Variants in KAZN observed in about 807,000 individuals in gnomAD.
The protein encoded by KAZN is kazrin, periplakin interacting protein.
KAZN carries 40 observed loss-of-function variants against 87.4 expected under a neutral mutation model. That is an observed-to-expected ratio of 0.46 (90% CI 0.36 to 0.60). KAZN has a LOEUF of 0.60. Ranked by LOEUF, KAZN falls within the 20% of genes least tolerant of loss-of-function variation. The pLI is 0.00. For synonymous variants in KAZN, 466 were observed against 458.3 expected, an observed-to-expected ratio of 1.02 and a Z score of -0.22; for missense variants, 898 against 1,073.9, an observed-to-expected ratio of 0.84 and a Z score of 2.29.
intron 1 of KAZN, among the ~76,000 whole-genome samples, chr1:13,937,823 T>A (rs1321191204): frequency 6.6e-6 from 1 of 152,202 alleles, no homozygotes; most frequent in African/African-American, 2.4e-5. Flanking sequence ...TTGTTAAAGA[T>A]CAGCTGGTTG....
intron 7 of KAZN, among the ~76,000 whole-genome samples, chr1:15,064,035 A>G (rs1573232064): frequency 1.3e-5 from 2 of 152,240 alleles, no homozygotes; most frequent in Admixed American, 6.5e-5. Flanking sequence ...TGCCCTGGCC[A>G]TGGCTTACCC....
intron 1 of KAZN, among the ~76,000 whole-genome samples, chr1:13,984,787 T>C (rs1638930212): frequency 1.3e-5 from 2 of 152,242 alleles, no homozygotes; most frequent in Non-Finnish European, 2.9e-5. Context: ...AGAGGTTCAC[T>C]GAGATTCACT....
chr1:13,948,732 G>T (rs1164780933), intron 1 of KAZN, among the ~76,000 whole-genome samples: 3 of 151,980 alleles, frequency 2.0e-5, no homozygotes, highest in Non-Finnish European at 4.4e-5. Flanking sequence ...TTGCAATGAT[G>T]CTCAGTCCAC....
intron 1 of KAZN, among the ~76,000 whole-genome samples, chr1:14,731,101 A>G (rs140668124): frequency 3.9e-5 from 6 of 152,334 alleles, no homozygotes; most frequent in African/African-American, 1.4e-4. Context: ...TTAAAACAAA[A>G]TGGGGCTCTG....
chr1:15,013,025 G>A (rs1336954403), intron 2 of KAZN, among the ~76,000 whole-genome samples: 2 of 152,196 alleles, frequency 1.3e-5, no homozygotes, highest in Admixed American at 1.3e-4. Flanking sequence ...TCCCAGCTGG[G>A]AACAGTTCTT....
chr1:14,840,314 A>G (rs754397810), intron 1 of KAZN, among the ~76,000 whole-genome samples: 2 of 152,130 alleles, frequency 1.3e-5, no homozygotes, highest in South Asian at 4.1e-4. Flanking sequence ...ATAACTGGCA[A>G]ATCATCTCAT....
chr1:14,388,036 A>G lies in KAZN; in HGVS notation c.249+207444A>G, dbSNP rs576956205. Reference sequence around the variant, plus strand: ...TCCTGGTGTGCCGTTTTTTAAGCCCATCGGAAAAGCGCAGTATTCGGGTGG... The same window carrying G: ...TCCTGGTGTGCCGTTTTTTAAGCCCGTCGGAAAAGCGCAGTATTCGGGTGG... On this transcript the variant is annotated intron_variant, in intron 2 of 16. Transcript: ENST00000636203. Among the ~76,000 whole-genome samples, 423 of 152,144 alleles carry G rather than the reference A, an allele frequency of 2.8e-3. 1 individual carries two copies. The highest frequency in any genetic ancestry group is 9.2e-3 in the African/African-American group (381 of 41,500).
chr1:14,817,141 C>G (rs971152655), intron 1 of KAZN, among the ~76,000 whole-genome samples: 2 of 152,164 alleles, frequency 1.3e-5, no homozygotes, highest in Non-Finnish European at 2.9e-5. Flanking sequence ...TACCTGCACA[C>G]TGATGTGGAC....
intron 2 of KAZN, among the ~76,000 whole-genome samples, chr1:14,300,148 G>C (rs1348674740): frequency 6.6e-6 from 1 of 152,156 alleles, no homozygotes; most frequent in Non-Finnish European, 1.5e-5. Flanking sequence ...AGTGTGTTGA[G>C]GAAGGAGGAG....
intron 10 of KAZN, among the ~76,000 whole-genome samples, chr1:15,100,524 T>A (rs1208755486): frequency 6.6e-6 from 1 of 152,174 alleles, no homozygotes; most frequent in Admixed American, 6.5e-5. Context: ...GATGCGGTGA[T>A]CCTCGTTCCT....
Position 14,957,178 on chromosome 1 carries a change from G to A in KAZN, c.227-3506G>A, listed in dbSNP as rs77204834. 5.7e-3 allele frequency among the ~76,000 whole-genome samples: 861 copies of A among 152,268 alleles called. 6 individuals are homozygous for A. The highest frequency in any genetic ancestry group is 0.019 in the African/African-American group (808 of 41,570). On this transcript the variant is annotated intron_variant, in intron 1 of 14. Coordinates refer to ENST00000376030, the MANE Select transcript of KAZN (RefSeq NM_201628.3). ...AAATGTTTACCCGGAATGAGAGCAGGGGCATGGCCCCAAAAGCAAACCTCC... is the reference window on the plus strand; with the variant it reads ...AAATGTTTACCCGGAATGAGAGCAGAGGCATGGCCCCAAAAGCAAACCTCC...
intron 1 of KAZN, among the ~76,000 whole-genome samples, chr1:14,128,333 TAAGAGGGAGTCATGCTGTGTTAGTTTG>T (rs1644917621): frequency 6.1e-5 from 2 of 32,912 alleles, no homozygotes; most frequent in Admixed American, 4.7e-4. Context: ...GTTAGTTTGC[TAAGAGGGAGTCATGCTGTGTTAGTTTG>T]CTAGGACTGC....
At chr1:14,570,386 C>T (rs1316600220) in intron 2 of KAZN, among the ~76,000 whole-genome samples, 9 of 152,124 alleles carry the variant, frequency 5.9e-5, no homozygotes, top group Non-Finnish European at 2.9e-5. Flanking sequence ...CCTTTTTACC[C>T]TCCTCCTCCT....
At chr1:15,019,693 T>C (rs943248587) in intron 2 of KAZN, among the ~76,000 whole-genome samples, 4 of 152,186 alleles carry the variant, frequency 2.6e-5, no homozygotes, top group African/African-American at 9.7e-5. Flanking sequence ...CCAGCCAGTT[T>C]CTTCATTTGT....
chr1:14,187,254 G>A (rs1394348159), intron 2 of KAZN, among the ~76,000 whole-genome samples: 6 of 151,968 alleles, frequency 3.9e-5, no homozygotes, highest in Admixed American at 2.6e-4. Context: ...ATGTAATTTT[G>A]GGAAAGAAGA....
chr1:13,925,001 C>A (rs1640219561), intron 1 of KAZN, among the ~76,000 whole-genome samples: 1 of 152,148 alleles, frequency 6.6e-6, no homozygotes, highest in Non-Finnish European at 1.5e-5. Context: ...GTGTATGCCA[C>A]CATCAACAAA....
chr1:14,158,502 T>C (rs1645644245), intron 1 of KAZN, among the ~76,000 whole-genome samples: 1 of 152,218 alleles, frequency 6.6e-6, no homozygotes, highest in Non-Finnish European at 1.5e-5. Context: ...GATAGAACTC[T>C]GAATTCCTTC....
chr1:14,705,425 C>T (rs1642159102), intron 1 of KAZN, among the ~76,000 whole-genome samples: 1 of 152,210 alleles, frequency 6.6e-6, no homozygotes, highest in African/African-American at 2.4e-5. Flanking sequence ...AATCCTACTA[C>T]TGGACATTGA....
rs563721853 is a variant in KAZN, at chr1:14,383,943, A to G, written c.249+203351A>G. On this transcript the variant is annotated intron_variant, in intron 2 of 16. Transcript: ENST00000636203. ...TTCACAATATTGATTCTTCCTACCC[A>G]TGAGCATGGAATGTTCTTCCATTTG... Among the ~76,000 whole-genome samples, 19 of 152,168 alleles carry G rather than the reference A, an allele frequency of 1.2e-4. No individual in the cohort carries two copies. In the South Asian group the frequency reaches 3.9e-3, roughly 32 times the overall value.
Sources: gnomAD v4.1 joint callset for allele counts (sites outside exome capture counted in the v4.1 genomes callset) on GRCh38, gnomAD v4.1.1 for gene constraint, MANE v1.5 for transcripts, NCBI Gene and HGNC (gene_info 2026-07-23, HGNC 2026-07-21) for gene names.